The following MINDY2 variants were observed in gnomAD, a reference collection of about 807,000 sequenced individuals.
The protein encoded by MINDY2 is ubiquitin carboxyl-terminal hydrolase MINDY-2.
MINDY2 carries 52 observed loss-of-function variants against 68.2 expected under a neutral mutation model. That is an observed-to-expected ratio of 0.76 (90% CI 0.61 to 0.96). The LOEUF (loss-of-function observed/expected upper bound fraction) is 0.96, where lower values mean the gene tolerates loss of function less well. Among genes scored for constraint, MINDY2 ranks in the 40% least tolerant of loss-of-function variants. The probability of loss-of-function intolerance (pLI) is 0.00; values close to 1 mark genes in which losing one functional copy is unlikely to be tolerated. For synonymous variants in MINDY2, 372 were observed against 303.0 expected, an observed-to-expected ratio of 1.23 and a Z score of -2.36; for missense variants, 881 against 773.4, an observed-to-expected ratio of 1.14 and a Z score of -1.65.
chr15:58,839,422 C>T (rs997132384), intron 6 of MINDY2, among the ~76,000 whole-genome samples: 2 of 152,106 alleles, frequency 1.3e-5, no homozygotes, highest in African/African-American at 4.8e-5. Context: ...ACCTCCACCT[C>T]CCCGGTTCAA....
chr15:58,803,224 T>G (rs1165823262), intron 3 of MINDY2, among the ~76,000 whole-genome samples: 6 of 152,098 alleles, frequency 3.9e-5, no homozygotes, highest in South Asian at 2.1e-4. Context: ...CCCAGCACTT[T>G]GGGAGGCCGA....
intron 6 of MINDY2, among the ~76,000 whole-genome samples, chr15:58,845,260 GCCA>G (rs2032477560): frequency 6.6e-6 from 1 of 152,038 alleles, no homozygotes; most frequent in African/African-American, 2.4e-5. Context: ...ACAAAAATTA[GCCA>G]GGTGTGATGG....
chr15:58,808,386 A>G (rs2029968039), intron 3 of MINDY2, among the ~76,000 whole-genome samples: 1 of 151,836 alleles, frequency 6.6e-6, no homozygotes, highest in Admixed American at 6.6e-5. Flanking sequence ...CCTTCCCTTA[A>G]TCCTTGGCAA....
At chr15:58,830,478 G>C (rs1048956643) in intron 5 of MINDY2, among the ~76,000 whole-genome samples, 1 of 152,166 alleles carries the variant, frequency 6.6e-6, no homozygotes, top group Admixed American at 6.5e-5. Context: ...CTCATTTTCA[G>C]ATTAGGGATG....
In MINDY2 at chr15:58,771,787, C is replaced by G; in HGVS notation, c.392C>G (p.Ala131Gly). Residue 131 changes from alanine (A) to glycine (G), a missense_variant, in exon 1 of 9, where the codon GCC (alanine) becomes GGC (glycine). Coordinates refer to ENST00000559228, the MANE Select transcript of MINDY2 (RefSeq NM_001040450.3). ...TTGGGTACCGCCGGAGACGCGGGAG[C>G]CCGCCCGGATCTCGCCGGCACCTGC... is the stretch of plus-strand genomic sequence containing the variant. ...HELGTAGDAGARPDLAGTCQA... is the reference protein window; with the variant it reads ...HELGTAGDAGGRPDLAGTCQA... 6.2e-7 allele frequency: 1 copy of G among 1,610,108 alleles called. No individual in the cohort carries two copies. The highest frequency in any genetic ancestry group is 8.5e-7 in the Non-Finnish European group (1 of 1,178,978).
chr15:58,833,174 G>A (rs2031824425), intron 6 of MINDY2, among the ~76,000 whole-genome samples: 1 of 152,194 alleles, frequency 6.6e-6, no homozygotes, highest in East Asian at 1.9e-4. Flanking sequence ...GATCCCATCA[G>A]TAATATACCG....
In MINDY2 at chr15:58,772,044, C is replaced by T. The variant is rs1900456542; in HGVS notation, c.649C>T (p.Leu217=). 1 of 1,606,384 alleles carries T rather than the reference C, an allele frequency of 6.2e-7. No homozygotes were observed. Among genetic ancestry groups the T allele is most frequent in the Non-Finnish European group, 8.5e-7 (1 of 1,176,122 alleles). The change falls in exon 1 of 9, where the codon CTG becomes TTG. Residue 217 remains leucine, a synonymous_variant. Coordinates refer to ENST00000559228, the MANE Select transcript of MINDY2 (RefSeq NM_001040450.3). ...GAAVLPGAVP[L]CKEEEGEETA... ...GGCGGTGTTGCCCGGGGCTGTTCCT[C>T]TGTGCAAGGAGGAGGAGGGGGAGGA...
chr15:58,793,190 G>A (rs1902054180), intron 2 of MINDY2, among the ~76,000 whole-genome samples: 1 of 152,136 alleles, frequency 6.6e-6, no homozygotes, highest in African/African-American at 2.4e-5. Context: ...AGTGGCTCAC[G>A]CCGTAATCCC....
At chr15:58,783,481 C>G (rs561884448) in intron 1 of MINDY2, among the ~76,000 whole-genome samples, 40 of 152,216 alleles carry the variant, frequency 2.6e-4, no homozygotes, top group African/African-American at 8.7e-4. Flanking sequence ...TTTGGATTAT[C>G]AAAATCATAG....
At chr15:58,854,456 T>A in intron 8 of MINDY2, 26 bp from the exon 9 acceptor site, 1 of 1,602,100 alleles carries the variant, frequency 6.2e-7, no homozygotes, top group Non-Finnish European at 8.5e-7. Flanking sequence ...GTTAGAGTAA[T>A]TTCTTGCTGT....
In MINDY2 at chr15:58,772,196, C is replaced by T. The variant is rs748361834; in HGVS notation, c.801C>T (p.Pro267=). ...IITQNENGPC[P]LLAILNVLLL... is the part of the protein sequence containing the mutation. ...CCCAGAATGAGAACGGACCCTGCCC[C>T]TTGCTGGCCATCCTCAATGTTTTGC... The change falls in exon 1 of 9, where the codon CCC becomes CCT. Residue 267 remains proline, a synonymous_variant. Coordinates refer to ENST00000559228, the MANE Select transcript of MINDY2 (RefSeq NM_001040450.3). 7 of 1,613,258 alleles carry T rather than the reference C, an allele frequency of 4.3e-6. No individual in the cohort carries two copies. The highest frequency in any genetic ancestry group is 4.0e-5 in the African/African-American group (3 of 74,946).
intron 3 of MINDY2, among the ~76,000 whole-genome samples, chr15:58,804,887 G>A (rs1902912866): frequency 6.6e-6 from 1 of 152,094 alleles, no homozygotes; most frequent in Admixed American, 6.6e-5. Context: ...CAGGTACTCA[G>A]GAGACTGAGG....
chr15:58,843,406 C>T (rs1362450507), intron 6 of MINDY2, among the ~76,000 whole-genome samples: 1 of 152,110 alleles, frequency 6.6e-6, no homozygotes. Flanking sequence ...CCACCTCAGC[C>T]TCCCAAAGTG....
At chr15:58,824,971 A>C (rs1270091774) in intron 5 of MINDY2, among the ~76,000 whole-genome samples, 3 of 152,160 alleles carry the variant, frequency 2.0e-5, no homozygotes, top group African/African-American at 7.2e-5. Flanking sequence ...CGCCCAGCCC[A>C]TCATATATCA....
At chr15:58,805,931 T>C (rs1454190725) in intron 3 of MINDY2, among the ~76,000 whole-genome samples, 1 of 152,082 alleles carries the variant, frequency 6.6e-6, no homozygotes, top group Non-Finnish European at 1.5e-5. Flanking sequence ...AAAAATTAGC[T>C]GGGCGTGGTG....
intron 5 of MINDY2, among the ~76,000 whole-genome samples, chr15:58,823,150 T>C (rs1303259781): frequency 6.6e-6 from 1 of 151,318 alleles, no homozygotes; most frequent in African/African-American, 2.4e-5. Context: ...TTTTTTTTTT[T>C]TTTTGATACG....
chr15:58,847,953 A>G (rs2032619163), intron 7 of MINDY2, among the ~76,000 whole-genome samples: 1 of 152,188 alleles, frequency 6.6e-6, no homozygotes, highest in Non-Finnish European at 1.5e-5. Flanking sequence ...AAGGTAGCAT[A>G]TAGTGTATAA....
chr15:58,817,247 C>T (rs1157861964), intron 4 of MINDY2, among the ~76,000 whole-genome samples: 2 of 152,080 alleles, frequency 1.3e-5, no homozygotes, highest in African/African-American at 4.8e-5. Flanking sequence ...AAAGTAGGAG[C>T]TCCTACAGAT....
chr15:58,849,768 G>T (rs146246265), intron 7 of MINDY2, among the ~76,000 whole-genome samples: 4 of 152,028 alleles, frequency 2.6e-5, no homozygotes, highest in Non-Finnish European at 4.4e-5. Context: ...TTGAGACAGG[G>T]TCTCACTCTG....
Sources: gnomAD v4.1 joint callset for allele counts (sites outside exome capture counted in the v4.1 genomes callset) on GRCh38, gnomAD v4.1.1 for gene constraint, MANE v1.5 for transcripts, NCBI Gene and HGNC (gene_info 2026-07-23, HGNC 2026-07-21) for gene names.